The following ANKUB1 variants were observed in gnomAD, a reference collection of about 807,000 sequenced individuals.
ANKUB1 encodes protein ANKUB1.
Under a neutral mutation model 49.3 loss-of-function variants are expected in ANKUB1, and 42 were observed. That is an observed-to-expected ratio of 0.85 (90% CI 0.67 to 1.10). The LOEUF is 1.10. Ranked by LOEUF, ANKUB1 falls within the 50% of genes least tolerant of loss-of-function variation. The pLI is 0.00. For synonymous variants in ANKUB1, 222 were observed against 231.0 expected, an observed-to-expected ratio of 0.96 and a Z score of 0.35; for missense variants, 613 against 642.0, an observed-to-expected ratio of 0.95 and a Z score of 0.49.
intron 3 of ANKUB1, among the ~76,000 whole-genome samples, chr3:149,775,452 C>T (rs1717550086): frequency 6.6e-6 from 1 of 152,138 alleles, no homozygotes; most frequent in Admixed American, 6.5e-5. Context: ...CACTTAACTT[C>T]TCTGAACTTC....
chr3:149,788,249 A>G (rs1231533712), intron 2 of ANKUB1, among the ~76,000 whole-genome samples: 2 of 152,204 alleles, frequency 1.3e-5, no homozygotes, highest in African/African-American at 4.8e-5. Context: ...GAGGCCTGGG[A>G]TATTCTCTAA....
chr3:149,790,435 C>T (rs1371486088), intron 2 of ANKUB1, among the ~76,000 whole-genome samples: 3 of 152,112 alleles, frequency 2.0e-5, no homozygotes, highest in African/African-American at 7.2e-5. Flanking sequence ...ATCACTGTGG[C>T]CCCACCAAAG....
intron 3 of ANKUB1, among the ~76,000 whole-genome samples, chr3:149,777,645 G>A (rs1717662826): frequency 6.6e-6 from 1 of 152,188 alleles, no homozygotes; most frequent in Non-Finnish European, 1.5e-5. Flanking sequence ...CCGCTCTGCA[G>A]AACAGTCTCC....
At chr3:149,790,731 A>G (rs1718321595) in intron 2 of ANKUB1, 50 bp downstream of exon 2, 3 of 1,492,392 alleles carry the variant, frequency 2.0e-6, no homozygotes, top group Non-Finnish European at 2.7e-6. Context: ...CCCCAACTTT[A>G]TTCAAAATGA....
chr3:149,791,070 CT>C, intron 1 of ANKUB1, 146 bp from the exon 2 acceptor site: 1 of 687,344 alleles, frequency 1.5e-6, no homozygotes, highest in Non-Finnish European at 2.2e-6. Flanking sequence ...GGGTTCTTAA[CT>C]TAGAGAACTT....
intron 2 of ANKUB1, among the ~76,000 whole-genome samples, chr3:149,786,227 G>C (rs754805343): frequency 6.6e-6 from 1 of 152,076 alleles, no homozygotes; most frequent in Non-Finnish European, 1.5e-5. Flanking sequence ...AGTAGAAACG[G>C]GGTTTCACTG....
rs372371473 is a variant in ANKUB1, at chr3:149,770,688, G to C, written c.452-14C>G. 82 of 1,502,770 alleles carry C rather than the reference G, an allele frequency of 5.5e-5. No individual in the cohort carries two copies. Among genetic ancestry groups the C allele is most frequent in the Middle Eastern group, 3.4e-4 (2 of 5,914 alleles). The allele number at this position is 1,502,770 out of a possible 1,614,324, so 93.1% of individuals were successfully genotyped here. A position where few individuals can be genotyped will look rare whatever the true frequency, so the allele number is the denominator to read the frequency against. On this transcript the variant is annotated splice_polypyrimidine_tract_variant and intron_variant, in intron 3 of 5. Transcript: ENST00000446160. ...GAAGTGTTGTGCCTGTGGATCAAGA[G>C]AGGTGGTTTATGGTTCCAGTCCAGC...
intron 3 of ANKUB1, among the ~76,000 whole-genome samples, chr3:149,774,478 AT>A (rs1454453981): frequency 5.9e-5 from 9 of 152,210 alleles, no homozygotes; most frequent in African/African-American, 2.2e-4. Context: ...TATAGATGGG[AT>A]TTTCCTGGCC....
intron 4 of ANKUB1, among the ~76,000 whole-genome samples, chr3:149,768,864 T>A (rs1315375395): frequency 6.6e-6 from 1 of 152,158 alleles, no homozygotes; most frequent in East Asian, 1.9e-4. Flanking sequence ...GGTTTTCTGA[T>A]CTTAGTTTCC....
chr3:149,778,368 G>A (rs991332722), intron 3 of ANKUB1: 1 of 152,164 alleles, frequency 6.6e-6, no homozygotes, highest in Non-Finnish European at 1.5e-5. Flanking sequence ...GACACATGCT[G>A]AGCAAGTCAT....
At position 149,767,998 on chromosome 3, in the gene ANKUB1, C is replaced by A; in HGVS notation, c.664G>T (p.Val222Phe). Reference protein sequence around the residue: ...LKQGARPHEAVGVHPYRAWCH... With the variant: ...LKQGARPHEAFGVHPYRAWCH... The stretch of plus-strand genomic sequence containing the variant: ...CATGCTCGATAGGGGTGAACACCGA[C>A]TGCCTCGTGGGGCCGCGCACCCTGC... The change falls in exon 5 of 6, where the codon GTC becomes TTC. Residue 222 changes from valine to phenylalanine, a missense_variant. By Grantham distance (50) the Val-to-Phe change is conservative. Transcript: ENST00000446160. The A allele has an allele frequency of 6.6e-7, 1 of 1,516,000 alleles. No individual in the cohort carries two copies. Among genetic ancestry groups the A allele is most frequent in the South Asian group, 1.3e-5 (1 of 78,900 alleles). The allele number at this position is 1,516,000 out of a possible 1,614,324, so 93.9% of individuals were successfully genotyped here.
chr3:149,770,603 G>C lies in ANKUB1; in HGVS notation c.523C>G (p.Leu175Val), dbSNP rs780059608. Residue 175 changes from leucine to valine, a missense_variant, in exon 4 of 6, where the codon CTT becomes GTT. Transcript: ENST00000446160. ...TTTGATAAGTAGCGTTGGACTTTAA[G>C]TTTTTGTCCAAGGAGACAACCCATC... ...FLMGCLLGQK[L>V]KVQRYLSKEG... 6.5e-7 allele frequency: 1 copy of C among 1,550,252 alleles called. No homozygotes were observed. The highest frequency in any genetic ancestry group is 8.7e-7 in the Non-Finnish European group (1 of 1,146,506).
chr3:149,771,905 A>G (rs926094959), intron 3 of ANKUB1, among the ~76,000 whole-genome samples: 5 of 152,134 alleles, frequency 3.3e-5, no homozygotes, highest in Non-Finnish European at 5.9e-5. Context: ...CATCATTCTA[A>G]AAGACCACTC....
chr3:149,789,692 C>T (rs190904454), intron 2 of ANKUB1, among the ~76,000 whole-genome samples: 231 of 147,932 alleles, frequency 1.6e-3, no homozygotes, highest in African/African-American at 5.6e-3. Context: ...TGCAGTGGCT[C>T]GAGCTCAGCT....
rs929648420 is a variant in ANKUB1 at position 149,764,763 on chromosome 3, A to G, written c.1505+2394T>C. 2.8e-5 allele frequency among the ~76,000 whole-genome samples: 4 copies of G among 144,878 alleles called. No homozygotes were observed. In the Admixed American group the frequency reaches 2.8e-4, roughly 10 times the overall value. On this transcript the variant is annotated intron_variant, in intron 5 of 5. Transcript: ENST00000446160. ...CTTCTTTCCTCTCTCTCTTTCCTTC[A>G]CAGAATAACACTTTAACAAAATGTT...
intron 3 of ANKUB1, 149 bp downstream of exon 3, chr3:149,780,090 G>GT (rs1217836427): frequency 5.8e-6 from 4 of 690,424 alleles, no homozygotes; most frequent in African/African-American, 1.8e-5. Flanking sequence ...ATGTAAATGT[G>GT]TTAACTGTTT....
At chr3:149,764,590 C>T (rs1252967516) in intron 5 of ANKUB1, among the ~76,000 whole-genome samples, 16 of 135,196 alleles carry the variant, frequency 1.2e-4, no homozygotes, top group African/African-American at 3.1e-4. Flanking sequence ...CTCCCTCCCT[C>T]CCTTCCTTCC....
chr3:149,781,836 C>T (rs1448812562), intron 2 of ANKUB1, among the ~76,000 whole-genome samples: 1 of 152,186 alleles, frequency 6.6e-6, no homozygotes, highest in East Asian at 1.9e-4. Flanking sequence ...GTTTCAGTCC[C>T]TCTGTGGCTG....
In ANKUB1 at chr3:149,770,582, A is replaced by G; in HGVS notation, c.544T>C (p.Ser182Pro). 1.3e-6 allele frequency: 2 copies of G among 1,548,980 alleles called. No individual in the cohort carries two copies. Among genetic ancestry groups the G allele is most frequent in the Non-Finnish European group, 1.7e-6 (2 of 1,145,714 alleles). ...TACTTGAGTACTGGTCCTTCTTTTG[A>G]TAAGTAGCGTTGGACTTTAAGTTTT... Reference protein sequence around the residue: ...GQKLKVQRYLSKEGPVLKYQK... With the variant: ...GQKLKVQRYLPKEGPVLKYQK... The change falls in exon 4 of 6, where the codon TCA becomes CCA. Residue 182 changes from serine (S) to proline (P), a missense_variant. Coordinates refer to ENST00000446160, the MANE Select transcript of ANKUB1 (RefSeq NM_001144960.3).
Sources: allele counts gnomAD v4.1 joint callset (sites outside exome capture counted in the v4.1 genomes callset), GRCh38; gene constraint gnomAD v4.1.1; transcripts MANE v1.5; gene names NCBI Gene and HGNC (gene_info 2026-07-23, HGNC 2026-07-21).